VWA3A: variants seen among roughly 807,000 people sequenced by gnomAD.
VWA3A encodes von Willebrand factor A domain-containing protein 3A.
VWA3A carries 134 observed loss-of-function variants against 160.4 expected under a neutral mutation model. That is an observed-to-expected ratio of 0.84 (90% CI 0.73 to 0.96). The LOEUF is 0.96. VWA3A is among the 40% of genes least tolerant of loss of function. The pLI is 0.00. For missense variants in VWA3A, 1,310 were observed against 1,447.9 expected (o/e 0.90, Z 1.55); for synonymous variants, 476 against 543.4 (o/e 0.88, Z 1.72).
At chr16:22,141,442 C>T (rs2046147151) in intron 23 of VWA3A, 140 bp from the exon 24 acceptor site, 2 of 724,772 alleles carry the variant, frequency 2.8e-6, no homozygotes, top group South Asian at 3.4e-5. Context: ...GGGGAGGACA[C>T]AGGGTGCCTT....
At chr16:22,121,650 C>T in intron 14 of VWA3A, 33 bp downstream of exon 14, 1 of 1,498,914 alleles carries the variant, frequency 6.7e-7, no homozygotes, top group Non-Finnish European at 9.3e-7. Context: ...TCCAGTCCTC[C>T]ACAGGAGAGC....
chr16:22,120,061 A>G (rs2045707188), intron 12 of VWA3A, among the ~76,000 whole-genome samples: 1 of 152,130 alleles, frequency 6.6e-6, no homozygotes, highest in Admixed American at 6.5e-5. Context: ...AGTCCTCATT[A>G]TGAGATAGGC....
At chr16:22,155,455 C>T (rs2046424025) in intron 31 of VWA3A, 112 bp from the exon 32 acceptor site, 1 of 907,596 alleles carries the variant, frequency 1.1e-6, no homozygotes. Flanking sequence ...CACAAGATTT[C>T]CTGCACTGGA....
chr16:22,133,702 A>G (rs1368924130), intron 20 of VWA3A, among the ~76,000 whole-genome samples: 1 of 151,646 alleles, frequency 6.6e-6, no homozygotes, highest in African/African-American at 2.4e-5. Context: ...AAAGTATATT[A>G]TGAGTCAGGT....
chr16:22,131,568 C>T lies in VWA3A; in HGVS notation c.1728-17C>T. ...ATGGGCCAATGACCCTCAGCATGGC[C>T]ATCTCTGCCTCCGCAGGTGGGCCCT... On this transcript the variant is annotated splice_polypyrimidine_tract_variant and intron_variant, in intron 18 of 33. Transcript: ENST00000389398. The T allele has an allele frequency of 3.1e-6, 5 of 1,608,742 alleles. No individual in the cohort carries two copies. Among genetic ancestry groups the T allele is most frequent in the Non-Finnish European group, 4.2e-6 (5 of 1,177,404 alleles).
intron 30 of VWA3A, among the ~76,000 whole-genome samples, chr16:22,151,747 T>G (rs1437626419): frequency 6.6e-6 from 1 of 150,684 alleles, no homozygotes. Flanking sequence ...ACATGTCAGA[T>G]AAGACATACT....
intron 1 of VWA3A, among the ~76,000 whole-genome samples, chr16:22,096,161 C>T (rs922730039): frequency 5.3e-5 from 8 of 152,062 alleles, no homozygotes; most frequent in Non-Finnish European, 1.2e-4. Flanking sequence ...ATAGGACGGC[C>T]CCCACAGCAA....
intron 6 of VWA3A, among the ~76,000 whole-genome samples, chr16:22,106,623 G>A (rs922046871): frequency 6.6e-6 from 1 of 152,128 alleles, no homozygotes; most frequent in African/African-American, 2.4e-5. Context: ...GTGGAGAAAG[G>A]AGATGAGCTT....
At chr16:22,118,241 A>C (rs1169062976) in intron 11 of VWA3A, among the ~76,000 whole-genome samples, 9 of 152,190 alleles carry the variant, frequency 5.9e-5, no homozygotes. Flanking sequence ...TGATTGCACC[A>C]CTGCACTCTA....
At chr16:22,132,084 A>T (rs1416333301) in intron 19 of VWA3A, among the ~76,000 whole-genome samples, 2 of 152,162 alleles carry the variant, frequency 1.3e-5, no homozygotes, top group African/African-American at 2.4e-5. Flanking sequence ...AATAAAATTT[A>T]AAAAATTAAC....
intron 17 of VWA3A, among the ~76,000 whole-genome samples, chr16:22,127,780 G>A (rs902490547): frequency 2.0e-5 from 3 of 152,288 alleles, no homozygotes; most frequent in African/African-American, 2.4e-5. Flanking sequence ...ACTCATCCTC[G>A]AGGAACTCAT....
intron 18 of VWA3A, 44 bp downstream of exon 18, chr16:22,131,323 G>A: frequency 3.7e-6 from 6 of 1,602,312 alleles, no homozygotes; most frequent in Non-Finnish European, 5.1e-6. Context: ...TCTGAGGGAA[G>A]GTTTGCAGGC....
At chr16:22,117,975 ATT>A (rs768698320) in intron 11 of VWA3A, among the ~76,000 whole-genome samples, 76 of 152,258 alleles carry the variant, frequency 5.0e-4, no homozygotes, top group Non-Finnish European at 9.6e-4. Context: ...TTTAAGAAAT[ATT>A]TTATCTTAAA....
chr16:22,107,718 G>A (rs539249171), intron 6 of VWA3A, among the ~76,000 whole-genome samples: 18 of 152,244 alleles, frequency 1.2e-4, no homozygotes, highest in African/African-American at 4.1e-4. Context: ...TGTGCACATG[G>A]AAGCTCTTGT....
At chr16:22,098,293 C>T (rs1457099039) in intron 3 of VWA3A, among the ~76,000 whole-genome samples, 1 of 152,112 alleles carries the variant, frequency 6.6e-6, no homozygotes, top group Non-Finnish European at 1.5e-5. Flanking sequence ...TAGTCAAAAA[C>T]AATACAGGTA....
chr16:22,102,873 A>G (rs576595673), intron 5 of VWA3A, among the ~76,000 whole-genome samples: 1 of 152,154 alleles, frequency 6.6e-6, no homozygotes, highest in South Asian at 2.1e-4. Context: ...AGCTATGTGG[A>G]GAAAGGAGAC....
intron 16 of VWA3A, 138 bp from the exon 17 acceptor site, chr16:22,126,040 C>A: frequency 2.4e-6 from 3 of 1,254,310 alleles, no homozygotes; most frequent in Admixed American, 2.2e-5. Flanking sequence ...TGGCCTCAAA[C>A]CACAGAGAAG....
chr16:22,116,147 G>T (rs2045639019), intron 9 of VWA3A, among the ~76,000 whole-genome samples: 1 of 142,456 alleles, frequency 7.0e-6, no homozygotes, highest in Admixed American at 7.4e-5. Context: ...AAAGGAGAGA[G>T]AAATAAAAAG....
rs964868985 is a variant in VWA3A at position 22,156,162 on chromosome 16, A to C, written c.*145A>C. On this transcript the variant is annotated 3_prime_UTR_variant, in exon 34 of 34. Coordinates refer to ENST00000389398, the MANE Select transcript of VWA3A (RefSeq NM_173615.5). Reference sequence around the variant, plus strand: ...CTCTCTGGAAGCTGAGGAAGGAAAGACTTTGTCTTTTGTGTGAGGGGCCAT... The same window carrying C: ...CTCTCTGGAAGCTGAGGAAGGAAAGCCTTTGTCTTTTGTGTGAGGGGCCAT... 5.7e-6 allele frequency: 3 copies of C among 530,580 alleles called. No individual in the cohort carries two copies. Among genetic ancestry groups the C allele is most frequent in the African/African-American group, 3.8e-5 (2 of 52,004 alleles). The allele number at this position is 530,580 out of a possible 1,614,324, so 32.9% of individuals were successfully genotyped here. A position where few individuals can be genotyped will look rare whatever the true frequency, so the allele number is the denominator to read the frequency against.
Sources: allele counts gnomAD v4.1 joint callset (sites outside exome capture counted in the v4.1 genomes callset), GRCh38; gene constraint gnomAD v4.1.1; transcripts MANE v1.5; gene names NCBI Gene and HGNC (gene_info 2026-07-23, HGNC 2026-07-21).